The following NMI variants were observed in gnomAD, a reference collection of about 807,000 sequenced individuals.
NMI encodes the protein N-myc-interactor.
Under a neutral mutation model 34.3 loss-of-function variants are expected in NMI, and 39 were observed. The ratio of observed to expected loss-of-function variants is 1.14; its 90% CI spans 0.88 to 1.49. The LOEUF (loss-of-function observed/expected upper bound fraction) is 1.49, where lower values mean the gene tolerates loss of function less well. Ranked by LOEUF, NMI falls within the 40% of genes most tolerant of loss-of-function variation. The pLI is 0.00. For synonymous variants in NMI, 113 were observed against 120.3 expected (o/e 0.94, Z 0.40); for missense variants, 339 against 358.1 (o/e 0.95, Z 0.43).
In NMI at chr2:151,275,483, C is replaced by T. The variant is rs765135321; in HGVS notation, c.634+1G>A. ...TGTTAACCTTCTACACCCTTGAGTA[C>T]CTCCAATCTCCACAAACGTGATGAC... On this transcript the variant is annotated splice_donor_variant, in intron 6 of 7. Coordinates refer to ENST00000243346, the MANE Select transcript of NMI (RefSeq NM_004688.3). LOFTEE classifies it high-confidence loss of function. 4.4e-5 allele frequency: 71 copies of T among 1,613,020 alleles called. No homozygotes were observed. The highest frequency in any genetic ancestry group is 8.9e-5 in the East Asian group (4 of 44,882).
intron 3 of NMI, among the ~76,000 whole-genome samples, chr2:151,280,013 T>C (rs62167159): frequency 0.044 from 6,648 of 151,936 alleles, 215 homozygotes; most frequent in Non-Finnish European, 0.066. Flanking sequence ...CTGGCCAACA[T>C]GGTAAAACCC....
intron 2 of NMI, among the ~76,000 whole-genome samples, chr2:151,282,589 G>A (rs1683425908): frequency 6.6e-6 from 1 of 152,190 alleles, no homozygotes; most frequent in South Asian, 2.1e-4. Context: ...GGTCTAATGA[G>A]ATAATTGCTG....
rs375033455 is a variant in NMI at position 151,275,680 on chromosome 2, G to T, written c.448-10C>A. ...AAACTTCTACATAAACCTGGAAAAT[G>T]ATTTGATGTTCAGAAATATGGATGA... On this transcript the variant is annotated splice_polypyrimidine_tract_variant and intron_variant, in intron 5 of 7. Coordinates refer to ENST00000243346, the MANE Select transcript of NMI (RefSeq NM_004688.3). The T allele has an allele frequency of 5.3e-5, 86 of 1,613,150 alleles. 1 individual carries two copies. Among genetic ancestry groups the T allele is most frequent in the Non-Finnish European group, 7.1e-5 (84 of 1,179,256 alleles).
intron 6 of NMI, among the ~76,000 whole-genome samples, chr2:151,274,930 T>G (rs984516154): frequency 6.6e-6 from 1 of 151,912 alleles, no homozygotes; most frequent in Non-Finnish European, 1.5e-5. Context: ...TCCCAGGCTG[T>G]AGTGCAGTGG....
At chr2:151,273,729 C>G (rs951912536) in intron 6 of NMI, among the ~76,000 whole-genome samples, 2 of 152,026 alleles carry the variant, frequency 1.3e-5, no homozygotes, top group African/African-American at 4.8e-5. Flanking sequence ...GCGATGTTGG[C>G]CAGGCTGGTC....
intron 4 of NMI, 108 bp from the exon 5 acceptor site, chr2:151,275,972 T>A: frequency 1.3e-6 from 1 of 747,416 alleles, no homozygotes; most frequent in Non-Finnish European, 2.1e-6. Context: ...TCTTTAATAT[T>A]AAAGGGTCTA....
At chr2:151,272,795 C>A (rs1209480847) in intron 6 of NMI, among the ~76,000 whole-genome samples, 1 of 152,028 alleles carries the variant, frequency 6.6e-6, no homozygotes, top group East Asian at 1.9e-4. Flanking sequence ...CATGGATGGA[C>A]CCTGATAACA....
chr2:151,279,471 T>TTTTA (rs147844559), intron 3 of NMI, among the ~76,000 whole-genome samples: 6,935 of 152,040 alleles, frequency 0.046, 280 homozygotes, highest in African/African-American at 0.1. Context: ...AATTAGATAA[T>TTTTA]TTTATTTATT....
At chr2:151,288,790 T>G (rs1683558659) in intron 1 of NMI, 3 of 152,256 alleles carry the variant, frequency 2.0e-5, no homozygotes, top group African/African-American at 4.8e-5. Flanking sequence ...GTCTGCCTGT[T>G]GTACAGACTG....
Position 151,282,583 on chromosome 2 carries a change from T to C in NMI, c.81+285A>G, listed in dbSNP as rs141013586. Among the ~76,000 whole-genome samples the C allele has an allele frequency of 1.2e-3, 180 of 152,348 alleles. 3 individuals carry two copies. Among genetic ancestry groups the C allele is most frequent in the African/African-American group, 4.1e-3 (169 of 41,598 alleles). ...TGGGCCTCCGTTCCCTCTTGGGGTCTAATGAGATAATTGCTGACTATGCTC... is the reference window on the plus strand; with the variant it reads ...TGGGCCTCCGTTCCCTCTTGGGGTCCAATGAGATAATTGCTGACTATGCTC... On this transcript the variant is annotated intron_variant, in intron 2 of 7. Coordinates refer to ENST00000243346, the MANE Select transcript of NMI (RefSeq NM_004688.3).
At position 151,270,820 on chromosome 2, in the gene NMI, T is replaced by C; in HGVS notation, c.797A>G (p.Gln266Arg). ...ATCCTCCACAATTTCTTCATCCATT[T>C]GAATGCCTTCCATTCCTGTCAGAAG... is the stretch of plus-strand genomic sequence containing the variant. ...TVLLTGMEGI[Q>R]MDEEIVEDLI... The change falls in exon 8 of 8, where the codon CAA becomes CGA. Residue 266 changes from glutamine (Q) to arginine (R), a missense_variant. Coordinates refer to ENST00000243346, the MANE Select transcript of NMI (RefSeq NM_004688.3). 1 of 1,613,964 alleles carries C rather than the reference T, an allele frequency of 6.2e-7. No homozygotes were observed. The highest frequency in any genetic ancestry group is 1.1e-5 in the South Asian group (1 of 91,080).
rs1213211037 is a variant in NMI, at chr2:151,274,791, T to C, written c.634+693A>G. Among the ~76,000 whole-genome samples, 5 of 151,966 alleles carry C rather than the reference T, an allele frequency of 3.3e-5. No individual in the cohort carries two copies. The East Asian group carries it at 7.8e-4, about 24-fold the overall frequency. On this transcript the variant is annotated intron_variant, in intron 6 of 7. Transcript: ENST00000243346. ...GGGCCCGGCCGAAATGTCTCATTTT[T>C]ACTAAATGTTTGCTCTTCTGTATTA...
At chr2:151,271,484 C>A in intron 7 of NMI, 142 bp downstream of exon 7, 1 of 644,420 alleles carries the variant, frequency 1.6e-6, no homozygotes, top group Non-Finnish European at 2.8e-6. Context: ...TCATTTTGCA[C>A]CAAGCAAAAA....
rs1435813316 is a variant in NMI at position 151,274,195 on chromosome 2, TAGTC to T, written c.634+1285_634+1288del. Among the ~76,000 whole-genome samples the T allele has an allele frequency of 2.0e-5, 3 of 151,120 alleles. No homozygotes were observed. The East Asian group carries it at 6.1e-4, about 31-fold the overall frequency. On this transcript the variant is annotated intron_variant, in intron 6 of 7. Transcript: ENST00000243346. ...CCGTCTCTACCAAAAATACAAAAATTAGTCAGGCATGGTGGCATGCACTTGTAAT... is the reference window on the plus strand; with the variant it reads ...CCGTCTCTACCAAAAATACAAAAATTAGGCATGGTGGCATGCACTTGTAAT...
chr2:151,289,584 C>A lies in NMI; in HGVS notation c.-7+9G>T, dbSNP rs2105215422. 1 of 152,340 alleles carries A rather than the reference C, an allele frequency of 6.6e-6. No individual in the cohort carries two copies. The highest frequency in any genetic ancestry group is 6.5e-5 in the Admixed American group (1 of 15,298). The allele number at this position is 152,340 out of a possible 1,614,324, so 9.4% of individuals were successfully genotyped here. A position where few individuals can be genotyped will look rare whatever the true frequency, so the allele number is the denominator to read the frequency against. ...GGAGTGGCAGCCGGGGAAGGGACTC[C>A]CCACTCACCCGCGTCCGCCCGCCGA... On this transcript the variant is annotated intron_variant, in intron 1 of 7. Coordinates refer to ENST00000243346, the MANE Select transcript of NMI (RefSeq NM_004688.3).
In NMI at chr2:151,282,871, A is replaced by C. The variant is rs1414245774; in HGVS notation, c.78T>G (p.Asn26Lys). The stretch of plus-strand genomic sequence containing the variant: ...TACCCAGTAATTTCCTTTTTACCTT[A>C]TTTTGTTCATCTTTTATAAATTCAT... ...SPDEFIKDEQ[N>K]KGLIDEITKK... The change falls in exon 2 of 8, where the codon AAT becomes AAG. Residue 26 changes from asparagine (N) to lysine (K), a missense_variant. Physicochemically the swap from Asn to Lys is moderately conservative, Grantham distance 94. Transcript: ENST00000243346. 2 of 1,458,398 alleles carry C rather than the reference A, an allele frequency of 1.4e-6. No homozygotes were observed. The highest frequency in any genetic ancestry group is 1.9e-6 in the Non-Finnish European group (2 of 1,072,396). 90.3% of individuals were successfully genotyped at this position (1,458,398 alleles called of 1,614,324 possible).
intron 1 of NMI, among the ~76,000 whole-genome samples, chr2:151,284,924 G>C (rs1683468521): frequency 6.6e-6 from 1 of 152,122 alleles, no homozygotes; most frequent in African/African-American, 2.4e-5. Flanking sequence ...ATGAACACAG[G>C]AGTGTCAAAA....
chr2:151,270,970 T>C, intron 7 of NMI, 95 bp from the exon 8 acceptor site: 1 of 986,700 alleles, frequency 1.0e-6, no homozygotes, highest in South Asian at 1.6e-5. Context: ...TTTTATTTTA[T>C]CTTAGAAGAG....
intron 1 of NMI, among the ~76,000 whole-genome samples, chr2:151,285,378 GATA>G (rs1573748655): frequency 6.7e-6 from 1 of 148,212 alleles, no homozygotes; most frequent in East Asian, 2.3e-4. Flanking sequence ...TAGATAGATA[GATA>G]GATAGATAGA....
Sources: gnomAD v4.1 joint callset for allele counts (sites outside exome capture counted in the v4.1 genomes callset) on GRCh38, gnomAD v4.1.1 for gene constraint, MANE v1.5 for transcripts, NCBI Gene and HGNC (gene_info 2026-07-23, HGNC 2026-07-21) for gene names.